Variants in CHCHD6 observed in about 807,000 individuals in gnomAD.
CHCHD6 encodes coiled-coil-helix-coiled-coil-helix domain containing 6, also known as MICOS complex subunit MIC25.
Under a neutral mutation model 32.3 loss-of-function variants are expected in CHCHD6, and 28 were observed. The observed-to-expected ratio is 0.87, with a 90% CI of 0.64 to 1.19. CHCHD6 has a LOEUF of 1.19. Among genes scored for constraint, CHCHD6 ranks in the 50% most tolerant of loss-of-function variants. The pLI, the probability that CHCHD6 is intolerant of heterozygous loss-of-function variation, is 0.00. For synonymous variants in CHCHD6, 122 were observed against 117.5 expected, an observed-to-expected ratio of 1.04 and a Z score of -0.25; for missense variants, 333 against 307.0, an observed-to-expected ratio of 1.08 and a Z score of -0.63.
At chr3:126,852,782 G>T in intron 5 of CHCHD6, 52 bp downstream of exon 5, 1 of 1,240,674 alleles carries the variant, frequency 8.1e-7, no homozygotes, top group South Asian at 1.2e-5. Flanking sequence ...AAAGGCATCT[G>T]ACCAGAACAC....
chr3:126,913,199 G>C (rs892023284), intron 5 of CHCHD6, among the ~76,000 whole-genome samples: 1 of 124,198 alleles, frequency 8.1e-6, no homozygotes, highest in South Asian at 2.7e-4. Context: ...CATGCTGCCC[G>C]TATGAGCCTT....
chr3:126,742,501 C>T (rs1309031420), intron 4 of CHCHD6, among the ~76,000 whole-genome samples: 1 of 152,166 alleles, frequency 6.6e-6, no homozygotes, highest in Non-Finnish European at 1.5e-5. Context: ...CCCTTCAAAA[C>T]TCATGTGGAA....
At chr3:126,953,389 A>C (rs1465278952) in intron 6 of CHCHD6, among the ~76,000 whole-genome samples, 1 of 152,024 alleles carries the variant, frequency 6.6e-6, no homozygotes, top group Non-Finnish European at 1.5e-5. Context: ...AGAGGGAGGG[A>C]CCCTTTAAGG....
intron 4 of CHCHD6, chr3:126,766,668 A>T: frequency 9.5e-7 from 1 of 1,052,554 alleles, no homozygotes; most frequent in Non-Finnish European, 1.5e-6. Context: ...CGGTGGCCAC[A>T]ATGATGCTGC....
intron 4 of CHCHD6, among the ~76,000 whole-genome samples, chr3:126,828,586 A>C (rs1278295351): frequency 3.9e-5 from 6 of 152,200 alleles, no homozygotes; most frequent in Admixed American, 3.9e-4. Context: ...GGGACAGGAC[A>C]CCAGTGGTTT....
At chr3:126,921,447 A>G (rs1000433752) in intron 6 of CHCHD6, among the ~76,000 whole-genome samples, 7 of 152,162 alleles carry the variant, frequency 4.6e-5, no homozygotes, top group Non-Finnish European at 8.8e-5. Context: ...TGAAGAAGAG[A>G]TGAAGACCCC....
At chr3:126,758,465 C>T (rs1042696875) in intron 4 of CHCHD6, among the ~76,000 whole-genome samples, 2 of 152,160 alleles carry the variant, frequency 1.3e-5, no homozygotes, top group African/African-American at 2.4e-5. Flanking sequence ...AAGGTAGACA[C>T]GGTAGAGGAT....
chr3:126,839,945 T>C (rs1303013458), intron 4 of CHCHD6, among the ~76,000 whole-genome samples: 1 of 152,184 alleles, frequency 6.6e-6, no homozygotes, highest in Non-Finnish European at 1.5e-5. Flanking sequence ...CTCCCATTAA[T>C]AGTCACTTCC....
At chr3:126,833,912 G>T (rs1396866584) in intron 4 of CHCHD6, among the ~76,000 whole-genome samples, 3 of 151,216 alleles carry the variant, frequency 2.0e-5, no homozygotes, top group African/African-American at 7.3e-5. Flanking sequence ...AAAATAGCCG[G>T]GCGTAGTGGC....
intron 4 of CHCHD6, among the ~76,000 whole-genome samples, chr3:126,749,004 T>C (rs145841199): frequency 6.6e-6 from 1 of 151,434 alleles, no homozygotes. Context: ...CTCTGAGGAG[T>C]GGACATGTGA....
At chr3:126,848,949 G>A (rs1480131041) in intron 4 of CHCHD6, among the ~76,000 whole-genome samples, 1 of 152,132 alleles carries the variant, frequency 6.6e-6, no homozygotes, top group Admixed American at 6.5e-5. Flanking sequence ...TATTTCTATT[G>A]TCACCTACAC....
intron 5 of CHCHD6, among the ~76,000 whole-genome samples, chr3:126,863,409 T>C (rs867292934): frequency 0.03 from 362 of 11,912 alleles, no homozygotes; most frequent in Middle Eastern, 0.12. Flanking sequence ...CCTCCTCCTC[T>C]ACCATCATCA....
intron 4 of CHCHD6, among the ~76,000 whole-genome samples, chr3:126,797,439 G>T (rs1938849304): frequency 6.6e-6 from 1 of 152,114 alleles, no homozygotes; most frequent in African/African-American, 2.4e-5. Flanking sequence ...TTTAAGGGAG[G>T]TAATCTCCAG....
At chr3:126,814,804 C>T (rs1423549430) in intron 4 of CHCHD6, among the ~76,000 whole-genome samples, 1 of 152,194 alleles carries the variant, frequency 6.6e-6, no homozygotes, top group Non-Finnish European at 1.5e-5. Flanking sequence ...GTCATGGGAG[C>T]TCCAACCTAA....
At chr3:126,928,336 T>C (rs1454434215) in intron 6 of CHCHD6, among the ~76,000 whole-genome samples, 1 of 152,380 alleles carries the variant, frequency 6.6e-6, no homozygotes, top group East Asian at 1.9e-4. Context: ...CAGGATCTGA[T>C]AGCCTCTAGA....
At chr3:126,853,026 A>G (rs1941531482) in intron 5 of CHCHD6, among the ~76,000 whole-genome samples, 1 of 152,122 alleles carries the variant, frequency 6.6e-6, no homozygotes, top group Non-Finnish European at 1.5e-5. Flanking sequence ...ATTCACTTTC[A>G]CCACAGGGCG....
intron 4 of CHCHD6, among the ~76,000 whole-genome samples, chr3:126,797,503 G>A (rs753748351): frequency 6.6e-6 from 1 of 152,180 alleles, no homozygotes; most frequent in Non-Finnish European, 1.5e-5. Context: ...AAAATGTGGT[G>A]TCCCAAGTGT....
At chr3:126,864,871 A>G (rs1386839777) in intron 5 of CHCHD6, among the ~76,000 whole-genome samples, 2 of 95,620 alleles carry the variant, frequency 2.1e-5, no homozygotes, top group South Asian at 3.4e-4. Flanking sequence ...CTCCACCATC[A>G]TCTCCTCCTC....
At chr3:126,794,599 T>C (rs188748810) in intron 4 of CHCHD6, among the ~76,000 whole-genome samples, 105 of 152,286 alleles carry the variant, frequency 6.9e-4, no homozygotes, top group Non-Finnish European at 2.9e-4. Context: ...TTGTAAACTT[T>C]ATTTTTTCAC....
Sources: gnomAD v4.1 joint callset for allele counts (sites outside exome capture counted in the v4.1 genomes callset) on GRCh38, gnomAD v4.1.1 for gene constraint, MANE v1.5 for transcripts, NCBI Gene and HGNC (gene_info 2026-07-23, HGNC 2026-07-21) for gene names.